EXOC1: variants seen among roughly 807,000 people sequenced by gnomAD.
The protein encoded by EXOC1 is exocyst complex component 1.
EXOC1 carries 67 observed loss-of-function variants against 107.7 expected under a neutral mutation model. The observed-to-expected ratio is 0.62, with a 90% confidence interval of 0.51 to 0.76. The LOEUF is 0.76. EXOC1 is among the 30% of genes least tolerant of loss of function. EXOC1 has a pLI of 0.00. For missense variants in EXOC1, 833 were observed against 1,055.7 expected, an observed-to-expected ratio of 0.79 and a Z score of 2.92; for synonymous variants, 348 against 353.5, an observed-to-expected ratio of 0.98 and a Z score of 0.17.
chr4:55,886,956 C>G, intron 10 of EXOC1, among the ~76,000 whole-genome samples: 1 of 152,064 alleles, frequency 6.6e-6, no homozygotes, highest in East Asian at 1.9e-4. Flanking sequence ...AGGGAAGTAG[C>G]TTTTCTTTGT....
intron 9 of EXOC1, among the ~76,000 whole-genome samples, chr4:55,878,815 C>T (rs1309687852): frequency 1.3e-5 from 2 of 152,244 alleles, no homozygotes; most frequent in African/African-American, 2.4e-5. Flanking sequence ...ATTTCCTATT[C>T]TAGGGCAGTG....
intron 8 of EXOC1, 50 bp downstream of exon 8, chr4:55,872,008 G>A (rs1409460905): frequency 2.0e-6 from 3 of 1,481,086 alleles, no homozygotes; most frequent in Non-Finnish European, 2.8e-6. Context: ...GCTTATTTAT[G>A]TATTAACCTT....
chr4:55,869,671 T>G lies in EXOC1; in HGVS notation c.604-1007T>G, dbSNP rs562016838. Among the ~76,000 whole-genome samples the G allele has an allele frequency of 2.6e-5, 4 of 152,312 alleles. No individual in the cohort carries two copies. In the South Asian group the frequency reaches 8.3e-4, roughly 32 times the overall value. ...TGTTAAGGAAGAAATCCTGGGCAGA[T>G]TCAAACCCCAGCTCTGTTACTTAAG... On this transcript the variant is annotated intron_variant, in intron 5 of 18. Transcript: ENST00000381295.
chr4:55,877,418 A>G, intron 8 of EXOC1: 8 of 985,414 alleles, frequency 8.1e-6, no homozygotes, highest in Non-Finnish European at 7.2e-6. Context: ...AGTAAGACTC[A>G]GATGACCAAG....
At chr4:55,878,238 G>A (rs1439141995) in intron 9 of EXOC1, among the ~76,000 whole-genome samples, 172 bp downstream of exon 9, 2 of 152,152 alleles carry the variant, frequency 1.3e-5, no homozygotes, top group Non-Finnish European at 2.9e-5. Flanking sequence ...CTTGGATAAA[G>A]GAGAGCTAAA....
intron 8 of EXOC1, among the ~76,000 whole-genome samples, chr4:55,872,180 C>G (rs1472788037): frequency 6.6e-6 from 1 of 152,118 alleles, no homozygotes; most frequent in Admixed American, 6.6e-5. Flanking sequence ...AGCTGATGCT[C>G]TCTGATTCTA....
chr4:55,864,079 A>G, intron 3 of EXOC1, 148 bp from the exon 4 acceptor site: 2 of 569,120 alleles, frequency 3.5e-6, no homozygotes, highest in Non-Finnish European at 6.0e-6. Context: ...TATAAATTGA[A>G]TTCTCCAAAC....
In EXOC1 at chr4:55,899,885, G is replaced by A. The variant is rs1725690102; in HGVS notation, c.2337+1G>A. ...AGGACAACCTCTTGAAAAACTAAAT[G>A]TAAATATATTTTCATTCAGTATTTT... On this transcript the variant is annotated splice_donor_variant, in intron 17 of 18. Coordinates refer to ENST00000381295, the MANE Select transcript of EXOC1 (RefSeq NM_001024924.2). LOFTEE classifies it high-confidence loss of function. 1.3e-6 allele frequency: 2 copies of A among 1,599,122 alleles called. No individual in the cohort carries two copies. Among genetic ancestry groups the A allele is most frequent in the Admixed American group, 1.7e-5 (1 of 58,168 alleles).
chr4:55,896,704 T>C lies in EXOC1; in HGVS notation c.1954-13T>C. ...TTGGTTATTTATCTCCCTTGCTCTC[T>C]GCCTAACTTTAGAGTAACCAAATAA... On this transcript the variant is annotated splice_polypyrimidine_tract_variant and intron_variant, in intron 15 of 18. Coordinates refer to ENST00000381295, the MANE Select transcript of EXOC1 (RefSeq NM_001024924.2). 1 of 1,585,296 alleles carries C rather than the reference T, an allele frequency of 6.3e-7. No individual in the cohort carries two copies. The highest frequency in any genetic ancestry group is 8.5e-7 in the Non-Finnish European group (1 of 1,171,218).
chr4:55,888,880 C>T lies in EXOC1; in HGVS notation c.1331-8C>T. ...TGTCTTTGATGCTTGCAACCTAATC[C>T]ATCACAGCTACACTGCCTCGAAAAG... On this transcript the variant is annotated splice_polypyrimidine_tract_variant and splice_region_variant and intron_variant, in intron 10 of 18. Transcript: ENST00000381295. 1 of 1,613,282 alleles carries T rather than the reference C, an allele frequency of 6.2e-7. No homozygotes were observed. Among genetic ancestry groups the T allele is most frequent in the South Asian group, 1.1e-5 (1 of 91,024 alleles).
At chr4:55,858,537 C>G in intron 2 of EXOC1, 90 bp downstream of exon 2, 3 of 1,375,700 alleles carry the variant, frequency 2.2e-6, no homozygotes, top group Non-Finnish European at 2.9e-6. Context: ...CTCATTGTCT[C>G]TGTAATTGGA....
chr4:55,891,958 C>G (rs1014836656), intron 13 of EXOC1, among the ~76,000 whole-genome samples: 2 of 152,154 alleles, frequency 1.3e-5, no homozygotes. Context: ...ATTCAGCATG[C>G]CTTTCTGGTA....
intron 9 of EXOC1, chr4:55,883,532 A>C (rs1293062184): frequency 1.8e-5 from 4 of 219,268 alleles, no homozygotes; most frequent in Non-Finnish European, 2.7e-5. Flanking sequence ...TGATTTAGAT[A>C]TTCTGTATAG....
intron 17 of EXOC1, among the ~76,000 whole-genome samples, chr4:55,901,577 C>A (rs868005574): frequency 7.9e-5 from 12 of 151,504 alleles, no homozygotes; most frequent in African/African-American, 2.9e-4. Context: ...GCACTAAGAC[C>A]CCAATTTATA....
intron 3 of EXOC1, among the ~76,000 whole-genome samples, 157 bp from the exon 4 acceptor site, chr4:55,864,070 A>G (rs1469818372): frequency 6.6e-6 from 1 of 152,240 alleles, no homozygotes; most frequent in Non-Finnish European, 1.5e-5. Context: ...ACTTTTTGCT[A>G]TAAATTGAAT....
chr4:55,889,949 G>C (rs1724321530), intron 11 of EXOC1, among the ~76,000 whole-genome samples: 1 of 152,154 alleles, frequency 6.6e-6, no homozygotes, highest in Admixed American at 6.5e-5. Flanking sequence ...GAAATGGGCA[G>C]GTTATAGACA....
chr4:55,871,419 T>G (rs1394535340), intron 7 of EXOC1, among the ~76,000 whole-genome samples, 186 bp downstream of exon 7: 1 of 152,232 alleles, frequency 6.6e-6, no homozygotes, highest in Non-Finnish European at 1.5e-5. Context: ...CTTCAGTTCC[T>G]CCTTCTAATT....
At chr4:55,899,610 T>G in intron 16 of EXOC1, 75 bp from the exon 17 acceptor site, 2 of 1,307,978 alleles carry the variant, frequency 1.5e-6, no homozygotes, top group Non-Finnish European at 2.1e-6. Flanking sequence ...GAAAAAAAAT[T>G]AATAGTATAA....
At chr4:55,867,837 T>C (rs888168354) in intron 4 of EXOC1, among the ~76,000 whole-genome samples, 1 of 152,216 alleles carries the variant, frequency 6.6e-6, no homozygotes, top group Non-Finnish European at 1.5e-5. Flanking sequence ...TTTTTCATTT[T>C]AATTAAAAAG....
Sources: allele counts gnomAD v4.1 joint callset (sites outside exome capture counted in the v4.1 genomes callset), GRCh38; gene constraint gnomAD v4.1.1; transcripts MANE v1.5; gene names NCBI Gene and HGNC (gene_info 2026-07-23, HGNC 2026-07-21).